XYLB: variants seen among roughly 807,000 people sequenced by gnomAD.
The protein encoded by XYLB is xylulokinase, also known as xylulose kinase.
In XYLB, 62 loss-of-function variants were observed where a neutral mutation model predicts 78.7. The observed-to-expected ratio is 0.79, with a 90% CI of 0.64 to 0.97. The LOEUF (loss-of-function observed/expected upper bound fraction) is 0.97, where lower values mean the gene tolerates loss of function less well. Among genes scored for constraint, XYLB ranks in the 50% least tolerant of loss-of-function variants. The probability of loss-of-function intolerance (pLI) is 0.00; values close to 1 mark genes in which losing one functional copy is unlikely to be tolerated. For missense variants in XYLB, 687 were observed against 676.8 expected (o/e 1.02, Z -0.17); for synonymous variants, 245 against 247.4 (o/e 0.99, Z 0.09).
intron 17 of XYLB, among the ~76,000 whole-genome samples, chr3:38,399,778 C>T (rs142506613): frequency 1.3e-5 from 2 of 152,306 alleles, no homozygotes; most frequent in East Asian, 3.9e-4. Context: ...GCTCTGCCCT[C>T]CAAAACCAAA....
the XYLB span, among the ~76,000 whole-genome samples, chr3:38,443,918 G>A: frequency 4.1e-4 from 61 of 150,154 alleles, no homozygotes; most frequent in African/African-American, 1.4e-3. Context: ...AGATGTTTGC[G>A]ACACCAGTCC....
intron 1 of XYLB, 29 bp downstream of exon 1, chr3:38,346,954 G>A (rs1372237015): frequency 2.7e-5 from 39 of 1,436,008 alleles, no homozygotes; most frequent in Non-Finnish European, 3.2e-5. Flanking sequence ...AGGGCCACGG[G>A]GCCGCCTCCT....
rs150488544 is a variant in XYLB at position 38,359,716 on chromosome 3, G to T, written c.141-623G>T. ...TATTTGTGTACAAATCTTTCTATGG[G>T]CTTAGACTTTCATTTCTCTTGGCTG... On this transcript the variant is annotated intron_variant, in intron 2 of 18. Coordinates refer to ENST00000207870, the MANE Select transcript of XYLB (RefSeq NM_005108.4). 4.6e-4 allele frequency among the ~76,000 whole-genome samples: 70 copies of T among 152,216 alleles called. 2 individuals carry two copies. The East Asian group carries it at 0.013, about 28-fold the overall frequency.
intron 14 of XYLB, 80 bp from the exon 15 acceptor site, chr3:38,379,166 A>T (rs1707017398): frequency 1.4e-6 from 2 of 1,434,918 alleles, no homozygotes; most frequent in Non-Finnish European, 2.0e-6. Context: ...GTTTAAAAAG[A>T]TCACACACAG....
At chr3:38,431,418 T>C in the XYLB span, among the ~76,000 whole-genome samples, 24 of 152,376 alleles carry the variant, frequency 1.6e-4, no homozygotes, top group African/African-American at 5.5e-4. Flanking sequence ...GACACTTTGC[T>C]GAAGTTGCTT....
chr3:38,433,069 C>G, the XYLB span, among the ~76,000 whole-genome samples: 1 of 152,276 alleles, frequency 6.6e-6, no homozygotes. Flanking sequence ...GCCTGGACAT[C>G]CATGCATTTC....
downstream of XYLB, among the ~76,000 whole-genome samples, chr3:38,425,698 G>A (rs1445210115): frequency 1.3e-5 from 2 of 152,266 alleles, no homozygotes; most frequent in East Asian, 1.9e-4. Context: ...CAAAACCAGC[G>A]GCCAATTTGG....
chr3:38,407,535 AT>A (rs1708378229), intron 18 of XYLB, among the ~76,000 whole-genome samples: 1 of 151,362 alleles, frequency 6.6e-6, no homozygotes, highest in Non-Finnish European at 1.5e-5. Flanking sequence ...ACATAACAAT[AT>A]TAACTTTAAA....
At position 38,365,329 on chromosome 3, in the gene XYLB, G is replaced by A. The variant is rs2234609; in HGVS notation, c.378+44G>A. 715 of 1,594,590 alleles carry A rather than the reference G, an allele frequency of 4.5e-4. 3 individuals are homozygous for A. The African/African-American group carries it at 8.9e-3, about 20-fold the overall frequency. ...TGTGAGTGTGAGAAACTTCTGCAGA[G>A]TCCCAAGTCCTGTGGGTCCTGAAGC... On this transcript the variant is annotated intron_variant, in intron 5 of 18. Transcript: ENST00000207870.
intron 15 of XYLB, 60 bp from the exon 16 acceptor site, chr3:38,395,445 A>C (rs1707828388): frequency 6.5e-7 from 1 of 1,530,490 alleles, no homozygotes; most frequent in Non-Finnish European, 9.0e-7. Flanking sequence ...CTGCAAAAAC[A>C]GCCCTTTCTG....
intron 15 of XYLB, among the ~76,000 whole-genome samples, chr3:38,386,322 G>A (rs1707381895): frequency 6.6e-6 from 1 of 151,934 alleles, no homozygotes; most frequent in South Asian, 2.1e-4. Context: ...CTATTTAATG[G>A]CTTTTTAGAG....
intron 4 of XYLB, among the ~76,000 whole-genome samples, chr3:38,364,196 C>G (rs553303309): frequency 6.6e-6 from 1 of 152,144 alleles, no homozygotes; most frequent in Non-Finnish European, 1.5e-5. Flanking sequence ...ACCCAGGGCA[C>G]AACTCAAGTG....
intron 2 of XYLB, chr3:38,356,838 G>T (rs980049898): frequency 6.6e-5 from 10 of 152,134 alleles, no homozygotes; most frequent in African/African-American, 2.4e-4. Flanking sequence ...TTGAATTGTG[G>T]CCCCCCAGAA....
chr3:38,434,958 C>A, the XYLB span, among the ~76,000 whole-genome samples: 1 of 152,086 alleles, frequency 6.6e-6, no homozygotes, highest in Non-Finnish European at 1.5e-5. Context: ...CATAGCAAAA[C>A]CCCATCGCCA....
chr3:38,373,516 A>C (rs540202905), intron 10 of XYLB, among the ~76,000 whole-genome samples: 3 of 152,136 alleles, frequency 2.0e-5, no homozygotes, highest in Non-Finnish European at 4.4e-5. Context: ...TCATTTTAAC[A>C]GTTGTCTAGA....
At chr3:38,423,795 A>G (rs76960338), downstream of XYLB, among the ~76,000 whole-genome samples, 230 of 152,326 alleles carry the variant, frequency 1.5e-3, 3 homozygotes, top group East Asian at 0.037. Flanking sequence ...CTCCAATGTT[A>G]TAATCACTTG....
At chr3:38,390,414 A>G (rs997663300) in intron 15 of XYLB, among the ~76,000 whole-genome samples, 16 of 152,084 alleles carry the variant, frequency 1.1e-4, no homozygotes, top group African/African-American at 3.4e-4. Context: ...GGGTTTCACC[A>G]TATTGGCCAG....
At chr3:38,367,883 G>A (rs1025486109) in intron 7 of XYLB, among the ~76,000 whole-genome samples, 8 of 152,180 alleles carry the variant, frequency 5.3e-5, no homozygotes, top group African/African-American at 9.7e-5. Context: ...TGTGGATTCC[G>A]GATGGAAATG....
rs56412101 is a variant in XYLB at position 38,356,250 on chromosome 3, CAA to C, written c.141-4074_141-4073del. ...TGGGTGACAGAGCAAGACTCTGTCT[CAA>C]AAAAAAAAAAAAAAGAAAGAGAAAA... On this transcript the variant is annotated intron_variant, in intron 2 of 18. Coordinates refer to ENST00000207870, the MANE Select transcript of XYLB (RefSeq NM_005108.4). The C allele has an allele frequency of 2.5e-3, 340 of 136,650 alleles. 2 individuals are homozygous for C. The highest frequency in any genetic ancestry group is 3.7e-3 in the Middle Eastern group (1 of 268). 8.5% of individuals were successfully genotyped at this position (136,650 alleles called of 1,614,324 possible).
Sources: allele counts gnomAD v4.1 joint callset (sites outside exome capture counted in the v4.1 genomes callset), GRCh38; gene constraint gnomAD v4.1.1; transcripts MANE v1.5; gene names NCBI Gene and HGNC (gene_info 2026-07-23, HGNC 2026-07-21).